The following IBTK variants were observed in gnomAD, a reference collection of about 807,000 sequenced individuals.
IBTK encodes the protein BTK-binding protein.
In IBTK, 83 loss-of-function variants were observed where a neutral mutation model predicts 154.9. That is an observed-to-expected ratio of 0.54 (90% CI 0.45 to 0.64). The LOEUF (loss-of-function observed/expected upper bound fraction) is 0.64, where lower values mean the gene tolerates loss of function less well. IBTK is among the 30% of genes least tolerant of loss of function. The pLI, the probability that IBTK is intolerant of heterozygous loss-of-function variation, is 0.00. For missense variants in IBTK, 1,332 were observed against 1,584.6 expected (o/e 0.84, Z 2.71); for synonymous variants, 515 against 536.1 (o/e 0.96, Z 0.54).
chr6:82,200,186 C>G lies in IBTK; in HGVS notation c.2980G>C (p.Gly994Arg). 1 of 1,613,622 alleles carries G rather than the reference C, an allele frequency of 6.2e-7. No homozygotes were observed. Among genetic ancestry groups the G allele is most frequent in the Non-Finnish European group, 8.5e-7 (1 of 1,179,720 alleles). Reference protein sequence around the residue: ...KKPRKRSDSSGGYNLSDIIQS... With the variant: ...KKPRKRSDSSRGYNLSDIIQS... ...ATAATATCTGAAAGGTTATAACCTCCAGAACTATCTGAACGTTTACGTGGC... is the reference window on the plus strand; with the variant it reads ...ATAATATCTGAAAGGTTATAACCTCGAGAACTATCTGAACGTTTACGTGGC... Residue 994 changes from glycine (G) to arginine (R), a missense_variant, in exon 21 of 29, where the codon GGA becomes CGA. This residue lies in a region of IBTK where 1,134 missense variants were observed against 1,274.7 expected (regional missense o/e 0.89). Coordinates refer to ENST00000306270, the MANE Select transcript of IBTK (RefSeq NM_015525.4).
intron 21 of IBTK, 89 bp from the exon 22 acceptor site, chr6:82,196,535 C>T: frequency 1.6e-6 from 1 of 622,236 alleles, no homozygotes; most frequent in Non-Finnish European, 2.4e-6. Flanking sequence ...AAAAAGCTTT[C>T]ATTTATCCAG....
In IBTK at chr6:82,171,541, T is replaced by C; in HGVS notation, c.3946A>G (p.Ile1316Val). 1.2e-6 allele frequency: 2 copies of C among 1,602,862 alleles called. No homozygotes were observed. The highest frequency in any genetic ancestry group is 8.5e-7 in the Non-Finnish European group (1 of 1,173,090). The stretch of plus-strand genomic sequence containing the variant: ...TCATAGAAAACCAATAAATCTTGTA[T>C]GGCATGCTCCTCAATCTGAAAGGAG... Reference protein sequence around the residue: ...LALIQIEEHAIQDLLVFYEAF... With the variant: ...LALIQIEEHAVQDLLVFYEAF... Residue 1316 changes from isoleucine (I) to valine (V), a missense_variant, in exon 29 of 29, where the codon ATA becomes GTA. This residue lies in a region of IBTK where 1,134 missense variants were observed against 1,274.7 expected (regional missense o/e 0.89). Transcript: ENST00000306270.
chr6:82,197,684 T>G lies in IBTK; in HGVS notation c.3026-1238A>C, dbSNP rs78351047. Among the ~76,000 whole-genome samples the G allele has an allele frequency of 8.0e-3, 1,211 of 152,296 alleles. 19 individuals are homozygous for G. Among genetic ancestry groups the G allele is most frequent in the African/African-American group, 0.027 (1,111 of 41,560 alleles). ...CTGCGTCTTGCCTCTTTTTGAATATTTTTAAGGCTGGCAAATTTTCATCGA... is the reference window on the plus strand; with the variant it reads ...CTGCGTCTTGCCTCTTTTTGAATATGTTTAAGGCTGGCAAATTTTCATCGA... On this transcript the variant is annotated intron_variant, in intron 21 of 28. Coordinates refer to ENST00000306270, the MANE Select transcript of IBTK (RefSeq NM_015525.4).
intron 13 of IBTK, 50 bp from the exon 14 acceptor site, chr6:82,211,622 G>A (rs9341913): frequency 0.23 from 323,805 of 1,434,724 alleles, 37,391 homozygotes; most frequent in African/African-American, 0.31. Context: ...TACATATTTA[G>A]TGAAAAAGAT....
At chr6:82,231,651 G>A in intron 4 of IBTK, 67 bp downstream of exon 4, 1 of 1,236,866 alleles carries the variant, frequency 8.1e-7, no homozygotes, top group East Asian at 2.4e-5. Context: ...CACATGAAAA[G>A]CTGAACAATC....
Position 82,220,657 on chromosome 6 carries a change from T to C in IBTK, c.1181A>G (p.Asp394Gly), listed in dbSNP as rs142432835. The change falls in exon 9 of 29, where the codon GAT (aspartate) becomes GGT (glycine). Residue 394 changes from aspartate (D) to glycine (G), a missense_variant. Around this residue, in one of 3 missense-constraint regions of IBTK, gnomAD observed 1,134 missense variants for 1,274.7 expected, o/e 0.89. Transcript: ENST00000306270. ...CCCATTTTCTTTCAAATGTTCAGGATCAACCTTGTATTCCATATGACCCCC... is the reference window on the plus strand; with the variant it reads ...CCCATTTTCTTTCAAATGTTCAGGACCAACCTTGTATTCCATATGACCCCC... ...VSGGHMEYKV[D>G]PEHLKENGGQ... The C allele has an allele frequency of 7.1e-5, 114 of 1,612,286 alleles. No homozygotes were observed. Among genetic ancestry groups the C allele is most frequent in the Admixed American group, 1.7e-4 (10 of 59,792 alleles).
chr6:82,243,475 T>G (rs7764285), intron 1 of IBTK, among the ~76,000 whole-genome samples: 36,294 of 152,106 alleles, frequency 0.24, 4,392 homozygotes, highest in African/African-American at 0.28. Context: ...TGAAATCTCA[T>G]AGTGTCCCAC....
intron 26 of IBTK, chr6:82,175,106 C>A: frequency 2.5e-6 from 1 of 393,228 alleles, no homozygotes; most frequent in Non-Finnish European, 5.1e-6. Flanking sequence ...TTTCATTCAT[C>A]TTTGTATCTC....
intron 1 of IBTK, among the ~76,000 whole-genome samples, chr6:82,242,631 A>C (rs536817062): frequency 5.3e-5 from 8 of 152,234 alleles, no homozygotes; most frequent in African/African-American, 1.9e-4. Flanking sequence ...AGCAACAAAA[A>C]GAACAAGATA....
At chr6:82,246,352 G>C (rs1047124686) in intron 1 of IBTK, among the ~76,000 whole-genome samples, 4 of 150,920 alleles carry the variant, frequency 2.7e-5, no homozygotes, top group African/African-American at 9.8e-5. Flanking sequence ...ATTTTTGGTA[G>C]AGACGGGGTT....
At chr6:82,240,983 T>A (rs1178572710) in intron 1 of IBTK, 140 bp from the exon 2 acceptor site, 4 of 395,122 alleles carry the variant, frequency 1.0e-5, no homozygotes, top group Non-Finnish European at 1.8e-5. Context: ...AACACTAAGC[T>A]TACGGGAGTT....
At chr6:82,238,521 G>A (rs555343109) in intron 2 of IBTK, among the ~76,000 whole-genome samples, 14 of 151,878 alleles carry the variant, frequency 9.2e-5, no homozygotes, top group Non-Finnish European at 1.8e-4. Flanking sequence ...TACAGCAACC[G>A]CCGCCTCCTG....
intron 2 of IBTK, 26 bp downstream of exon 2, chr6:82,240,140 G>T: frequency 6.4e-7 from 1 of 1,562,372 alleles, no homozygotes; most frequent in Non-Finnish European, 8.8e-7. Flanking sequence ...GACTAAATAC[G>T]TTTAAAATAA....
At chr6:82,199,971 GAGT>G (rs1421186332) in intron 21 of IBTK, among the ~76,000 whole-genome samples, 167 bp downstream of exon 21, 1 of 152,070 alleles carries the variant, frequency 6.6e-6, no homozygotes, top group Non-Finnish European at 1.5e-5. Context: ...AGATTAGTTT[GAGT>G]ACCTCTTTTG....
At chr6:82,174,953 C>T in intron 26 of IBTK, 1 of 456,046 alleles carries the variant, frequency 2.2e-6, no homozygotes, top group Non-Finnish European at 4.4e-6. Flanking sequence ...AATGTCTTCT[C>T]ACTCTTTTAC....
At chr6:82,228,125 T>C (rs1382272989) in intron 4 of IBTK, among the ~76,000 whole-genome samples, 1 of 152,120 alleles carries the variant, frequency 6.6e-6, no homozygotes, top group Non-Finnish European at 1.5e-5. Flanking sequence ...TCACTTTACC[T>C]TAATAATATT....
chr6:82,182,766 C>T (rs1768368199), intron 25 of IBTK, among the ~76,000 whole-genome samples: 2 of 152,244 alleles, frequency 1.3e-5, no homozygotes, highest in African/African-American at 4.8e-5. Flanking sequence ...AAACACAACA[C>T]AGAATGAAAA....
At chr6:82,171,669 C>T in intron 28 of IBTK, 113 bp from the exon 29 acceptor site, 1 of 851,528 alleles carries the variant, frequency 1.2e-6, no homozygotes, top group Non-Finnish European at 1.9e-6. Context: ...GGATACAATA[C>T]AGTGAAATTA....
Position 82,191,793 on chromosome 6 carries a change from T to C in IBTK, c.3425A>G (p.His1142Arg). The C allele has an allele frequency of 6.3e-7, 1 of 1,586,038 alleles. No individual in the cohort carries two copies. Among genetic ancestry groups the C allele is most frequent in the African/African-American group, 1.3e-5 (1 of 74,412 alleles). ...RQKCGATPKS[H>R]LGKTVSHGVK... ...TGTAATGTTTTCAACCCACCCTAAA[T>C]GTGACTTTGGTGTAGCTCCACATTT... is the stretch of plus-strand genomic sequence containing the variant. The change falls in exon 24 of 29, where the codon CAT becomes CGT. Residue 1142 changes from histidine to arginine, a missense_variant. This residue lies in a region of IBTK where 1,134 missense variants were observed against 1,274.7 expected (regional missense o/e 0.89). Transcript: ENST00000306270.
Sources: allele counts gnomAD v4.1 joint callset (sites outside exome capture counted in the v4.1 genomes callset), GRCh38; gene constraint gnomAD v4.1.1; regional missense constraint gnomAD v4.1.1; transcripts MANE v1.5; gene names NCBI Gene and HGNC (gene_info 2026-07-23, HGNC 2026-07-21).